The following HIVEP3 variants were observed in gnomAD, a reference collection of about 807,000 sequenced individuals.
HIVEP3 encodes HIVEP zinc finger 3.
Under a neutral mutation model 152.8 loss-of-function variants are expected in HIVEP3, and 49 were observed. The observed-to-expected ratio is 0.32, with a 90% CI of 0.26 to 0.41. The LOEUF is 0.41. HIVEP3 is among the 10% of genes least tolerant of loss of function. The pLI is 1.00. For synonymous variants in HIVEP3, 1,269 were observed against 1,289.0 expected (o/e 0.98, Z 0.33); for missense variants, 2,790 against 3,103.3 (o/e 0.90, Z 2.40).
At chr1:41,602,786 A>C (rs1326999926) in intron 3 of HIVEP3, among the ~76,000 whole-genome samples, 2 of 151,772 alleles carry the variant, frequency 1.3e-5, no homozygotes, top group African/African-American at 4.8e-5. Context: ...TTCTTTTTCT[A>C]GGTCTTTGAG....
At chr1:41,852,446 A>G (rs1557447466) in intron 1 of HIVEP3, among the ~76,000 whole-genome samples, 1 of 152,270 alleles carries the variant, frequency 6.6e-6, no homozygotes, top group Non-Finnish European at 1.5e-5. Context: ...GATAGGCCAG[A>G]ATCCCAGAGA....
intron 5 of HIVEP3, among the ~76,000 whole-genome samples, chr1:41,565,973 C>T (rs1032663437): frequency 1.3e-5 from 2 of 151,914 alleles, no homozygotes; most frequent in African/African-American, 4.8e-5. Context: ...TTTTTTTTAA[C>T]CATCCATGAC....
At chr1:41,841,475 C>T (rs1009955174) in intron 1 of HIVEP3, among the ~76,000 whole-genome samples, 13 of 152,184 alleles carry the variant, frequency 8.5e-5, no homozygotes, top group African/African-American at 2.4e-5. Flanking sequence ...ATAAGCTGGA[C>T]CCTGAACCAG....
intron 1 of HIVEP3, among the ~76,000 whole-genome samples, chr1:41,782,292 T>C (rs1241148046): frequency 1.3e-5 from 2 of 152,328 alleles, no homozygotes; most frequent in South Asian, 4.1e-4. Context: ...AGAATGGTGA[T>C]TGCCAGGGGC....
At chr1:41,653,356 C>T (rs934870653) in intron 2 of HIVEP3, among the ~76,000 whole-genome samples, 1 of 152,104 alleles carries the variant, frequency 6.6e-6, no homozygotes, top group Admixed American at 6.6e-5. Flanking sequence ...CACACACATA[C>T]TATTTTGCAG....
intron 5 of HIVEP3, among the ~76,000 whole-genome samples, chr1:41,532,230 G>C (rs1291405953): frequency 2.7e-5 from 4 of 149,442 alleles, no homozygotes; most frequent in Non-Finnish European, 6.0e-5. Context: ...AGAGATGGAG[G>C]ACAGGGGAGA....
intron 1 of HIVEP3, among the ~76,000 whole-genome samples, chr1:41,960,140 A>T (rs1362488769): frequency 6.6e-6 from 1 of 152,210 alleles, no homozygotes; most frequent in Non-Finnish European, 1.5e-5. Flanking sequence ...TGGGCCAGAA[A>T]GTCCACCACA....
At chr1:41,575,982 AGT>A (rs1644322027) in intron 4 of HIVEP3, among the ~76,000 whole-genome samples, 2 of 152,176 alleles carry the variant, frequency 1.3e-5, no homozygotes, top group Non-Finnish European at 2.9e-5. Flanking sequence ...CTTTTACACT[AGT>A]CTGGGAACTC....
intron 1 of HIVEP3, among the ~76,000 whole-genome samples, chr1:42,030,910 GTT>G (rs1645609250): frequency 1.3e-5 from 2 of 152,140 alleles, no homozygotes; most frequent in Non-Finnish European, 2.9e-5. Flanking sequence ...TAATGAAAAA[GTT>G]TTAAAAGGGA....
At chr1:41,751,757 T>A (rs1647167156) in intron 1 of HIVEP3, among the ~76,000 whole-genome samples, 1 of 152,138 alleles carries the variant, frequency 6.6e-6, no homozygotes, top group Non-Finnish European at 1.5e-5. Context: ...GGAGAGTGTC[T>A]AATGCTTCCC....
intron 1 of HIVEP3, among the ~76,000 whole-genome samples, chr1:41,779,154 C>A (rs1490548210): frequency 6.6e-6 from 1 of 152,208 alleles, no homozygotes; most frequent in Non-Finnish European, 1.5e-5. Context: ...TGCCTTCCTC[C>A]CACCCCCTCC....
chr1:41,917,101 C>T (rs7554189), intron 1 of HIVEP3, among the ~76,000 whole-genome samples: 4,790 of 152,224 alleles, frequency 0.031, 243 homozygotes, highest in African/African-American at 0.11. Context: ...TCTCTCCCTG[C>T]CCCCAGCATA....
At chr1:41,542,917 A>G (rs1476645406) in intron 5 of HIVEP3, 1 of 152,234 alleles carries the variant, frequency 6.6e-6, no homozygotes, top group Non-Finnish European at 1.5e-5. Flanking sequence ...AAGCCTCAGG[A>G]AAGTTAACCT....
rs150265867 is a variant in HIVEP3, at chr1:41,515,672, G to C, written c.5471-1922C>G. ...GTTTAAAAATGATGTGCTGCACTAAGAAGCAGGGAATGGTCGGGTTTGAAT... is the reference window on the plus strand; with the variant it reads ...GTTTAAAAATGATGTGCTGCACTAACAAGCAGGGAATGGTCGGGTTTGAAT... On this transcript the variant is annotated intron_variant, in intron 7 of 8. Coordinates refer to ENST00000372583, the MANE Select transcript of HIVEP3 (RefSeq NM_024503.5). 3.3e-3 allele frequency among the ~76,000 whole-genome samples: 500 copies of C among 152,360 alleles called. 4 individuals are homozygous for C. Among genetic ancestry groups the C allele is most frequent in the African/African-American group, 0.011 (475 of 41,582 alleles).
At chr1:41,668,107 C>T (rs938968563) in intron 2 of HIVEP3, among the ~76,000 whole-genome samples, 1 of 152,212 alleles carries the variant, frequency 6.6e-6, no homozygotes, top group Admixed American at 6.5e-5. Flanking sequence ...TTTCATCCAA[C>T]TGATTGATAT....
rs375008145 is a variant in HIVEP3, at chr1:41,510,667, C to T, written c.7005G>A (p.Pro2335=). The T allele has an allele frequency of 1.2e-5, 19 of 1,526,208 alleles. No individual in the cohort carries two copies. Among genetic ancestry groups the T allele is most frequent in the African/African-American group, 4.1e-5 (3 of 72,712 alleles). 94.5% of individuals were successfully genotyped at this position (1,526,208 alleles called of 1,614,324 possible). A position where few individuals can be genotyped will look rare whatever the true frequency, so the allele number is the denominator to read the frequency against. The change falls in exon 9 of 9, where the codon CCG becomes CCA. Residue 2335 remains proline (P), a synonymous_variant. Coordinates refer to ENST00000372583, the MANE Select transcript of HIVEP3 (RefSeq NM_024503.5). ...AQSWSPRLES[P]RAPTNPEPSA... is the part of the protein sequence containing the mutation. The stretch of plus-strand genomic sequence containing the variant: ...AAGGCTCGGGGTTGGTCGGTGCACG[C>T]GGGGACTCCAAGCGGGGGCTCCAGG...
intron 1 of HIVEP3, among the ~76,000 whole-genome samples, chr1:41,940,293 A>G (rs990390708): frequency 1.3e-5 from 2 of 152,220 alleles, no homozygotes; most frequent in Admixed American, 1.3e-4. Flanking sequence ...GTCATATCAG[A>G]AATCTACAGA....
chr1:41,591,894 A>G lies in HIVEP3; in HGVS notation c.-521-6576T>C, dbSNP rs143694232. Among the ~76,000 whole-genome samples, 7 of 152,252 alleles carry G rather than the reference A, an allele frequency of 4.6e-5. No individual in the cohort carries two copies. The East Asian group carries it at 1.3e-3, about 29-fold the overall frequency. The stretch of plus-strand genomic sequence containing the variant: ...GAGAAGAGGCATGACCGACCCAACG[A>G]GAGCGGGCTGGGAAGTCTTCAAGCC... On this transcript the variant is annotated intron_variant, in intron 3 of 8. Transcript: ENST00000372583.
At chr1:41,785,030 G>T (rs906982520) in intron 1 of HIVEP3, among the ~76,000 whole-genome samples, 1 of 152,166 alleles carries the variant, frequency 6.6e-6, no homozygotes, top group Non-Finnish European at 1.5e-5. Context: ...GGGCAGCAAA[G>T]GGAAACTGTC....
Sources: gnomAD v4.1 joint callset for allele counts (sites outside exome capture counted in the v4.1 genomes callset) on GRCh38, gnomAD v4.1.1 for gene constraint, MANE v1.5 for transcripts, NCBI Gene and HGNC (gene_info 2026-07-23, HGNC 2026-07-21) for gene names.